Variants in LAMA2 observed in about 807,000 individuals in gnomAD.
LAMA2 encodes laminin subunit alpha-2.
In LAMA2, 269 loss-of-function variants were observed where a neutral mutation model predicts 364.8. The ratio of observed to expected loss-of-function variants is 0.74; its 90% confidence interval spans 0.67 to 0.82. The LOEUF (loss-of-function observed/expected upper bound fraction) is 0.82, where lower values mean the gene tolerates loss of function less well. LAMA2 is among the 40% of genes least tolerant of loss of function. The pLI is 0.00. For missense variants in LAMA2, 3,807 were observed against 3,873.2 expected (o/e 0.98, Z 0.45); for synonymous variants, 1,379 against 1,370.6 (o/e 1.01, Z -0.14).
At chr6:129,407,814 G>T (rs1780321404) in intron 40 of LAMA2, among the ~76,000 whole-genome samples, 1 of 152,164 alleles carries the variant, frequency 6.6e-6, no homozygotes, top group South Asian at 2.1e-4. Flanking sequence ...CTTAAACACA[G>T]AGGATGGTAA....
chr6:129,066,261 G>C (rs1363983591), intron 3 of LAMA2, among the ~76,000 whole-genome samples: 1 of 150,734 alleles, frequency 6.6e-6, no homozygotes, highest in Admixed American at 6.6e-5. Flanking sequence ...TAGCCGGGAT[G>C]GTCTCGATCT....
chr6:129,178,783 T>C (rs1189151672), intron 10 of LAMA2, among the ~76,000 whole-genome samples: 1 of 152,176 alleles, frequency 6.6e-6, no homozygotes, highest in African/African-American at 2.4e-5. Context: ...TATGTGTACA[T>C]ATACAACCAT....
intron 1 of LAMA2, among the ~76,000 whole-genome samples, chr6:128,931,277 GTCTT>G (rs1323731395): frequency 1.3e-5 from 2 of 152,130 alleles, no homozygotes; most frequent in East Asian, 1.9e-4. Context: ...ATGATTTTGA[GTCTT>G]TATTGTAGTT....
chr6:129,121,291 G>T (rs999877034), intron 4 of LAMA2, among the ~76,000 whole-genome samples: 1 of 152,310 alleles, frequency 6.6e-6, no homozygotes, highest in African/African-American at 2.4e-5. Flanking sequence ...TAGAAATTCA[G>T]TAAGAAAGAT....
chr6:129,438,538 C>A, intron 41 of LAMA2, 108 bp from the exon 42 acceptor site: 1 of 620,996 alleles, frequency 1.6e-6, no homozygotes, highest in Non-Finnish European at 2.9e-6. Context: ...AATACATTTT[C>A]TTGCTTTTAA....
chr6:129,477,899 T>C (rs1055044981), intron 53 of LAMA2, among the ~76,000 whole-genome samples: 16 of 152,142 alleles, frequency 1.1e-4, no homozygotes, highest in African/African-American at 3.6e-4. Flanking sequence ...TCCTCTCTCC[T>C]CAGCATCTCC....
intron 3 of LAMA2, among the ~76,000 whole-genome samples, chr6:129,091,133 A>G (rs1774799211): frequency 6.6e-6 from 1 of 152,202 alleles, no homozygotes; most frequent in African/African-American, 2.4e-5. Context: ...ACATTTATAT[A>G]TTCTCTTAGG....
chr6:129,471,251 T>A (rs553186418), intron 51 of LAMA2, among the ~76,000 whole-genome samples: 1 of 152,038 alleles, frequency 6.6e-6, no homozygotes, highest in South Asian at 2.1e-4. Context: ...TTACTAGCAT[T>A]TCCTGGTAGA....
chr6:128,910,637 C>A (rs1292523678), intron 1 of LAMA2, among the ~76,000 whole-genome samples: 2 of 152,220 alleles, frequency 1.3e-5, no homozygotes, highest in Non-Finnish European at 2.9e-5. Flanking sequence ...TCTCTCAGCT[C>A]GTCAAAGTCG....
At chr6:129,158,881 T>G in intron 8 of LAMA2, 1 of 1,612,668 alleles carries the variant, frequency 6.2e-7, no homozygotes, top group Middle Eastern at 1.7e-4. Flanking sequence ...CAAAGCAACG[T>G]CCATTAGTTA....
At chr6:129,514,226 A>C (rs1786840910) in intron 63 of LAMA2, 147 bp from the exon 64 acceptor site, 1 of 700,216 alleles carries the variant, frequency 1.4e-6, no homozygotes, top group South Asian at 1.6e-5. Context: ...GTCAAGTTTT[A>C]AAATTTTTTT....
rs1363276063 is a variant in LAMA2 at position 129,515,389 on chromosome 6, C to A, written c.9211+794C>A. On this transcript the variant is annotated intron_variant, in intron 64 of 64. Coordinates refer to ENST00000421865, the MANE Select transcript of LAMA2 (RefSeq NM_000426.4). ...ACAGCTCCTCTTTCCAAAGTGGCTTCTGTGTTTTAAAAAGATCTTTTGCTT... is the reference window on the plus strand; with the variant it reads ...ACAGCTCCTCTTTCCAAAGTGGCTTATGTGTTTTAAAAAGATCTTTTGCTT... Among the ~76,000 whole-genome samples the A allele has an allele frequency of 1.3e-5, 2 of 152,170 alleles. 1 individual carries two copies. The highest frequency in any genetic ancestry group is 4.8e-5 in the African/African-American group (2 of 41,446).
chr6:129,218,993 A>T (rs755851197), intron 12 of LAMA2, among the ~76,000 whole-genome samples: 3 of 152,242 alleles, frequency 2.0e-5, no homozygotes, highest in African/African-American at 7.2e-5. Context: ...TTTATTCCTT[A>T]AAGAATATCT....
chr6:129,356,371 T>G (rs559882914), intron 32 of LAMA2, among the ~76,000 whole-genome samples: 1 of 152,064 alleles, frequency 6.6e-6, no homozygotes, highest in South Asian at 2.1e-4. Flanking sequence ...CCACACAGGG[T>G]TCATCATAAT....
intron 7 of LAMA2, among the ~76,000 whole-genome samples, chr6:129,153,192 G>T (rs991532066): frequency 6.6e-6 from 1 of 152,104 alleles, no homozygotes; most frequent in African/African-American, 2.4e-5. Context: ...AAGACAAGGA[G>T]GAAGAAAAGA....
At position 128,890,542 on chromosome 6, in the gene LAMA2, T is replaced by TACACACACACACACAC. The variant is rs56972149; in HGVS notation, c.112+7197_112+7212dup. On this transcript the variant is annotated intron_variant, in intron 1 of 64. Coordinates refer to ENST00000421865, the MANE Select transcript of LAMA2 (RefSeq NM_000426.4). ...TCTTGAAGGGTCTTTTTCATTTAAA[T>TACACACACACACACAC]ACACACACACACACACACACACACA... Among the ~76,000 whole-genome samples, 135 of 147,428 alleles carry TACACACACACACACAC rather than the reference T, an allele frequency of 9.2e-4. 1 individual carries two copies. The highest frequency in any genetic ancestry group is 2.9e-3 in the African/African-American group (118 of 40,260).
At chr6:129,511,019 G>T (rs998605771) in intron 62 of LAMA2, among the ~76,000 whole-genome samples, 19 of 152,116 alleles carry the variant, frequency 1.2e-4, no homozygotes, top group African/African-American at 4.6e-4. Context: ...TTCAGCTTTT[G>T]CACTTAATGG....
At chr6:129,451,711 T>G (rs1322792298) in intron 45 of LAMA2, among the ~76,000 whole-genome samples, 4 of 152,182 alleles carry the variant, frequency 2.6e-5, no homozygotes, top group Non-Finnish European at 5.9e-5. Flanking sequence ...AATCCCTCTT[T>G]AGCCTTCTCT....
chr6:129,341,226 GC>G (rs777934351), intron 29 of LAMA2, among the ~76,000 whole-genome samples: 34 of 152,174 alleles, frequency 2.2e-4, no homozygotes, highest in Non-Finnish European at 3.7e-4. Context: ...ATGAAGCAGA[GC>G]CCAGTCTATG....
Sources: gnomAD v4.1 joint callset for allele counts (sites outside exome capture counted in the v4.1 genomes callset) on GRCh38, gnomAD v4.1.1 for gene constraint, MANE v1.5 for transcripts, NCBI Gene and HGNC (gene_info 2026-07-23, HGNC 2026-07-21) for gene names.